Variants in ATPAF1 observed in about 807,000 individuals in gnomAD.
The protein encoded by ATPAF1 is homolog of yeast ATP11.
In ATPAF1, 26 loss-of-function variants were observed where a neutral mutation model predicts 43.9. The observed-to-expected ratio is 0.59, with a 90% CI of 0.43 to 0.82. The LOEUF (loss-of-function observed/expected upper bound fraction) is 0.82, where lower values mean the gene tolerates loss of function less well. Among genes scored for constraint, ATPAF1 ranks in the 40% least tolerant of loss-of-function variants. The pLI is 0.00. For missense variants in ATPAF1, 366 were observed against 435.0 expected, an observed-to-expected ratio of 0.84 and a Z score of 1.41; for synonymous variants, 157 against 168.0, an observed-to-expected ratio of 0.93 and a Z score of 0.50.
chr1:46,653,843 T>C lies in ATPAF1; in HGVS notation c.514A>G (p.Lys172Glu). Reference sequence around the variant, plus strand: ...GGAATAACTGCGTAGACTGTATCTTTTGCTGCAAAATATTGCTGCCAAATC... The same window carrying C: ...GGAATAACTGCGTAGACTGTATCTTCTGCTGCAAAATATTGCTGCCAAATC... Residue 172 changes from lysine to glutamate, a missense_variant, in exon 5 of 9, where the codon AAA (lysine) becomes GAA (glutamate). Transcript: ENST00000574428. This position sits in a 1 kb window ranked among gnomAD's most constrained non-coding sequence, Gnocchi z 4.8. 1 of 1,611,354 alleles carries C rather than the reference T, an allele frequency of 6.2e-7. No individual in the cohort carries two copies. The highest frequency in any genetic ancestry group is 8.5e-7 in the Non-Finnish European group (1 of 1,178,842).
chr1:46,643,425 G>A (rs1379975774), intron 7 of ATPAF1, 124 bp from the exon 8 acceptor site: 2 of 683,224 alleles, frequency 2.9e-6, no homozygotes, highest in Admixed American at 2.9e-5. Flanking sequence ...CTAGTGAGTT[G>A]GAGGACTGGT....
intron 1 of ATPAF1, 141 bp from the exon 2 acceptor site, chr1:46,665,505 G>A: frequency 8.4e-7 from 1 of 1,186,472 alleles, no homozygotes; most frequent in Non-Finnish European, 1.2e-6. Context: ...AGTAAGAACT[G>A]GGCACAGGCC....
chr1:46,664,776 G>A (rs582760), intron 2 of ATPAF1: 21,468 of 156,656 alleles, frequency 0.14, 3,839 homozygotes, highest in East Asian at 0.4. Context: ...TTTGCACTAT[G>A]ATGGCAGAGC....
chr1:46,639,684 G>A (rs987621141), intron 8 of ATPAF1, among the ~76,000 whole-genome samples: 1 of 152,174 alleles, frequency 6.6e-6, no homozygotes, highest in African/African-American at 2.4e-5. Context: ...GTATACAGGG[G>A]ATCATATATT....
At chr1:46,651,202 A>G (rs757981703) in intron 6 of ATPAF1, among the ~76,000 whole-genome samples, 25 of 143,692 alleles carry the variant, frequency 1.7e-4, no homozygotes, top group Non-Finnish European at 3.3e-4. Context: ...TCCTGTGTCC[A>G]TGTGTTCTCA....
rs186935350 is a variant in ATPAF1, at chr1:46,656,427, A to C, written c.489+1700T>G. 4.6e-5 allele frequency among the ~76,000 whole-genome samples: 7 copies of C among 152,346 alleles called. No individual in the cohort carries two copies. The East Asian group carries it at 1.3e-3, about 29-fold the overall frequency. On this transcript the variant is annotated intron_variant, in intron 4 of 8. Transcript: ENST00000574428. ...ATCCATCTAATCAACACAGAGCACA[A>C]AAGGACTATTAACTCCTAGGACCTA...
chr1:46,653,784 TA>T lies in ATPAF1; in HGVS notation c.540+32del. On this transcript the variant is annotated intron_variant, in intron 5 of 8. Transcript: ENST00000574428. This position sits in a 1 kb window ranked among gnomAD's most constrained non-coding sequence, Gnocchi z 4.8. The stretch of plus-strand genomic sequence containing the variant: ...GGTTAGAGAACTGACTTTCATGTTG[TA>T]ACACTTTCACTTTGCCCTCCAAACT... The T allele has an allele frequency of 6.3e-7, 1 of 1,598,490 alleles. No homozygotes were observed. Among genetic ancestry groups the T allele is most frequent in the Non-Finnish European group, 8.5e-7 (1 of 1,171,192 alleles).
intron 3 of ATPAF1, 143 bp from the exon 4 acceptor site, chr1:46,658,332 A>C: frequency 1.4e-6 from 1 of 722,310 alleles, no homozygotes; most frequent in Non-Finnish European, 2.3e-6. Context: ...GAAAACCCAC[A>C]TGCTCAGAGA....
At chr1:46,633,340 T>C (rs1246987186), downstream of ATPAF1, 1 of 176,810 alleles carries the variant, frequency 5.7e-6, no homozygotes, top group African/African-American at 2.4e-5. Flanking sequence ...TGGTAGTTGA[T>C]ATTTTCTACT....
chr1:46,664,870 C>G (rs550953768), intron 2 of ATPAF1: 2 of 196,258 alleles, frequency 1.0e-5, no homozygotes, highest in African/African-American at 2.3e-5. Context: ...TTTGATGACC[C>G]CTGCTCTACA....
chr1:46,658,226 TAA>T lies in ATPAF1; in HGVS notation c.427-39_427-38del, dbSNP rs3214697. ...CAATAAAAAGCAATTAACACATAAT[TAA>T]AAAAAAAAAAAAACAGCTTAACTCT... On this transcript the variant is annotated intron_variant, in intron 3 of 8. Coordinates refer to ENST00000574428, the Ensembl canonical transcript of ATPAF1. 17,317 of 1,132,390 alleles carry T rather than the reference TAA, an allele frequency of 0.015. 981 individuals carry two copies. In the African/African-American group the frequency reaches 0.21, roughly 14 times the overall value. 70.1% of individuals were successfully genotyped at this position (1,132,390 alleles called of 1,614,324 possible).
At chr1:46,663,741 C>A in intron 2 of ATPAF1, 1 of 694,866 alleles carries the variant, frequency 1.4e-6, no homozygotes, top group Non-Finnish European at 1.8e-6. Context: ...TTCAGGATAC[C>A]CAAGGCAAAA....
chr1:46,635,734 C>A, exon 9 of ATPAF1: 1 of 1,568,820 alleles, frequency 6.4e-7, no homozygotes. Flanking sequence ...TCTAGACTAT[C>A]GAGGGCTGAG....
chr1:46,648,023 C>A (rs1676075082), intron 6 of ATPAF1, among the ~76,000 whole-genome samples: 1 of 152,102 alleles, frequency 6.6e-6, no homozygotes, highest in African/African-American at 2.4e-5. Context: ...AGCTATACAC[C>A]TTTTGGCTAT....
intron 2 of ATPAF1, among the ~76,000 whole-genome samples, chr1:46,663,130 G>A (rs1000422655): frequency 6.6e-6 from 1 of 152,150 alleles, no homozygotes; most frequent in South Asian, 2.1e-4. Flanking sequence ...TTTTATGGCT[G>A]CATAGTATTC....
intron 4 of ATPAF1, among the ~76,000 whole-genome samples, chr1:46,656,271 G>T (rs1044983207): frequency 9.9e-5 from 15 of 152,058 alleles, no homozygotes; most frequent in African/African-American, 3.4e-4. Flanking sequence ...GTAGAGGAGG[G>T]TATCATAACC....
At chr1:46,658,617 T>C in intron 3 of ATPAF1, 70 bp downstream of exon 3, 1 of 1,229,204 alleles carries the variant, frequency 8.1e-7, no homozygotes, top group Admixed American at 2.3e-5. Context: ...ATGTTCAAAT[T>C]TGCAGCCTCT....
At chr1:46,654,528 T>TTTTTA (rs1553218332) in intron 4 of ATPAF1, among the ~76,000 whole-genome samples, 1 of 135,282 alleles carries the variant, frequency 7.4e-6, no homozygotes, top group Admixed American at 7.2e-5. Context: ...TATTTATTTA[T>TTTTTA]TTATTATTAT....
At chr1:46,660,720 T>C (rs1440489) in intron 2 of ATPAF1, among the ~76,000 whole-genome samples, 60,793 of 151,592 alleles carry the variant, frequency 0.4, 13,999 homozygotes, top group East Asian at 0.78. Flanking sequence ...TAAATGGGTA[T>C]TTTACTTCCC....
Sources: allele counts gnomAD v4.1 joint callset (sites outside exome capture counted in the v4.1 genomes callset), GRCh38; gene constraint gnomAD v4.1.1; non-coding constraint Gnocchi (gnomAD v3.1); transcripts MANE v1.5; gene names NCBI Gene and HGNC (gene_info 2026-07-23, HGNC 2026-07-21).